The following KIAA1671 variants were observed in gnomAD, a reference collection of about 807,000 sequenced individuals.
The protein encoded by KIAA1671 is uncharacterized protein KIAA1671.
KIAA1671 carries 52 observed loss-of-function variants against 131.2 expected under a neutral mutation model. That is an observed-to-expected ratio of 0.40 (90% confidence interval 0.32 to 0.50). KIAA1671 has a LOEUF of 0.50. Among genes scored for constraint, KIAA1671 ranks in the 20% least tolerant of loss-of-function variants. The probability of loss-of-function intolerance (pLI) is 0.73; values close to 1 mark genes in which losing one functional copy is unlikely to be tolerated. For synonymous variants in KIAA1671, 1,003 were observed against 961.6 expected, an observed-to-expected ratio of 1.04 and a Z score of -0.80; for missense variants, 2,360 against 2,364.2, an observed-to-expected ratio of 1.00 and a Z score of 0.04.
chr22:25,048,650 G>GA (rs1478093291), intron 5 of KIAA1671, among the ~76,000 whole-genome samples: 4 of 152,196 alleles, frequency 2.6e-5, no homozygotes, highest in South Asian at 2.1e-4. Context: ...TAACTAAGTG[G>GA]AAAAAAACAG....
chr22:25,183,298 A>T (rs1019244349), intron 10 of KIAA1671, among the ~76,000 whole-genome samples: 6 of 152,098 alleles, frequency 3.9e-5, no homozygotes, highest in African/African-American at 1.4e-4. Flanking sequence ...CTTTTCTGTC[A>T]TTTCTTCCAC....
chr22:25,042,747 A>G (rs1440900376), intron 5 of KIAA1671, among the ~76,000 whole-genome samples: 1 of 151,880 alleles, frequency 6.6e-6, no homozygotes, highest in African/African-American at 2.4e-5. Flanking sequence ...TGCTGGGATT[A>G]CAGGCGCGAG....
intron 7 of KIAA1671, 62 bp from the exon 8 acceptor site, chr22:25,174,178 G>T: frequency 1.3e-6 from 2 of 1,523,308 alleles, no homozygotes; most frequent in South Asian, 1.2e-5. Context: ...TCCTTCACTT[G>T]AAATCCCGTT....
At chr22:25,094,830 C>T (rs1377186711) in intron 6 of KIAA1671, among the ~76,000 whole-genome samples, 1 of 152,176 alleles carries the variant, frequency 6.6e-6, no homozygotes, top group Non-Finnish European at 1.5e-5. Context: ...CTGGGTGGAT[C>T]TGGGAGCATC....
chr22:25,088,222 C>T (rs1279969917), intron 6 of KIAA1671, among the ~76,000 whole-genome samples: 1 of 152,032 alleles, frequency 6.6e-6, no homozygotes, highest in East Asian at 1.9e-4. Flanking sequence ...ATCCTCGTGC[C>T]TCAGCCTCCT....
At position 25,040,611 on chromosome 22, in the gene KIAA1671, C is replaced by G; in HGVS notation, c.3481C>G (p.Gln1161Glu). 6.4e-7 allele frequency: 1 copy of G among 1,551,748 alleles called. No homozygotes were observed. Among genetic ancestry groups the G allele is most frequent in the South Asian group, 1.2e-5 (1 of 84,050 alleles). The part of the protein sequence containing the change: ...NKMSPSGGAP[Q>E]TTPTLRSRPK... ...GATGTCCCCCAGCGGCGGAGCTCCCCAAACCACCCCGACTCTGAGGAGTCG... is the reference window on the plus strand; with the variant it reads ...GATGTCCCCCAGCGGCGGAGCTCCCGAAACCACCCCGACTCTGAGGAGTCG... The change falls in exon 5 of 13, where the codon CAA becomes GAA. Residue 1161 changes from glutamine (Q) to glutamate (E), a missense_variant. By Grantham distance (29) the Gln-to-Glu change is conservative. Coordinates refer to ENST00000358431, the MANE Select transcript of KIAA1671 (RefSeq NM_001145206.2).
chr22:25,133,975 G>C (rs549343535), intron 6 of KIAA1671, among the ~76,000 whole-genome samples: 1 of 152,316 alleles, frequency 6.6e-6, no homozygotes, highest in South Asian at 2.1e-4. Flanking sequence ...GATTCCACAA[G>C]GGGAACTTTC....
chr22:25,098,461 A>G (rs114519888), intron 6 of KIAA1671, among the ~76,000 whole-genome samples: 226 of 152,360 alleles, frequency 1.5e-3, no homozygotes, highest in African/African-American at 5.3e-3. Context: ...ACAGTAATAA[A>G]TAAACAATTA....
rs1373231404 is a variant in KIAA1671, at chr22:25,038,908, C to T, written c.1778C>T (p.Ala593Val). 5.2e-6 allele frequency: 8 copies of T among 1,551,690 alleles called. No individual in the cohort carries two copies. In the Admixed American group the frequency reaches 7.8e-5, roughly 15 times the overall value. ...DSCRGGSSVE[A>V]PCPSDVTPED... is the part of the protein sequence containing the mutation. ...TGTCGCGGTGGAAGCTCAGTGGAGG[C>T]CCCGTGCCCTTCTGACGTCACTCCA... The change falls in exon 5 of 13, where the codon GCC becomes GTC. Residue 593 changes from alanine (A) to valine (V), a missense_variant. This residue lies in a region of KIAA1671 where 1,185 missense variants were observed against 1,126.2 expected (regional missense o/e 1.05). Coordinates refer to ENST00000358431, the MANE Select transcript of KIAA1671 (RefSeq NM_001145206.2).
At chr22:25,181,623 G>A in intron 9 of KIAA1671, 76 bp from the exon 10 acceptor site, 1 of 1,525,256 alleles carries the variant, frequency 6.6e-7, no homozygotes. Flanking sequence ...GAGATACTGT[G>A]TGCAAATTAT....
rs1159760794 is a variant in KIAA1671, at chr22:24,983,842, G to A, written c.-208+31070G>A. Among the ~76,000 whole-genome samples, 5 of 149,792 alleles carry A rather than the reference G, an allele frequency of 3.3e-5. No homozygotes were observed. In the East Asian group the frequency reaches 9.9e-4, roughly 30 times the overall value. On this transcript the variant is annotated intron_variant, in intron 1 of 12. Transcript: ENST00000358431. ...TGCCCAGGCTGGAGTGCAATGGTGCGATCTCGGCTCACCACAACCTCCGCC... is the reference window on the plus strand; with the variant it reads ...TGCCCAGGCTGGAGTGCAATGGTGCAATCTCGGCTCACCACAACCTCCGCC...
At chr22:24,956,563 G>T (rs1921709069) in intron 1 of KIAA1671, among the ~76,000 whole-genome samples, 1 of 152,192 alleles carries the variant, frequency 6.6e-6, no homozygotes, top group African/African-American at 2.4e-5. Context: ...GGAGGAGGCA[G>T]ATAGAAGGGA....
chr22:25,163,724 C>T (rs1275268344), intron 6 of KIAA1671, among the ~76,000 whole-genome samples: 2 of 152,046 alleles, frequency 1.3e-5, no homozygotes, highest in Admixed American at 1.3e-4. Flanking sequence ...AGGCATGAGC[C>T]ACCACGCCCG....
At chr22:25,055,287 C>G (rs1330825708) in intron 6 of KIAA1671, 8 of 149,968 alleles carry the variant, frequency 5.3e-5, no homozygotes, top group Non-Finnish European at 1.5e-5. Context: ...GGCCCCCGCC[C>G]AAGAACATAT....
chr22:25,065,635 A>G (rs969674314), intron 6 of KIAA1671, among the ~76,000 whole-genome samples: 1 of 150,848 alleles, frequency 6.6e-6, no homozygotes, highest in Non-Finnish European at 1.5e-5. Context: ...AAGAATTATT[A>G]TTATTATTAT....
At chr22:25,134,728 G>A (rs1932597105) in intron 6 of KIAA1671, among the ~76,000 whole-genome samples, 1 of 152,158 alleles carries the variant, frequency 6.6e-6, no homozygotes, top group Non-Finnish European at 1.5e-5. Flanking sequence ...GCAAAGCTGG[G>A]AGGCCTAGTG....
chr22:25,124,380 A>C (rs774954845), intron 6 of KIAA1671, among the ~76,000 whole-genome samples: 3 of 152,194 alleles, frequency 2.0e-5, no homozygotes, highest in Non-Finnish European at 4.4e-5. Flanking sequence ...AAGAATTAAA[A>C]ATTGCAGAGT....
In KIAA1671 at chr22:25,039,150, A is replaced by G. The variant is rs1186457601; in HGVS notation, c.2020A>G (p.Arg674Gly). The stretch of plus-strand genomic sequence containing the variant: ...GACAAAACTGAAGAAAGAGAACTCC[A>G]GAGGGTTTGACAATCCCGAGACGGA... ...DMTKLKKENS[R>G]GFDNPETEKL... Residue 674 changes from arginine (R) to glycine (G), a missense_variant, in exon 5 of 13, where the codon AGA becomes GGA. Around this residue, in one of 3 missense-constraint regions of KIAA1671, gnomAD observed 1,185 missense variants for 1,126.2 expected, o/e 1.05. Coordinates refer to ENST00000358431, the MANE Select transcript of KIAA1671 (RefSeq NM_001145206.2). 1 of 1,551,590 alleles carries G rather than the reference A, an allele frequency of 6.4e-7. No homozygotes were observed. Among genetic ancestry groups the G allele is most frequent in the Non-Finnish European group, 8.7e-7 (1 of 1,147,050 alleles).
At chr22:25,025,500 G>GTGCTT in intron 1 of KIAA1671, 133 bp from the exon 2 acceptor site, 1 of 152,128 alleles carries the variant, frequency 6.6e-6, no homozygotes, top group Non-Finnish European at 1.5e-5. Flanking sequence ...AAATCGAAAA[G>GTGCTT]CCAAAAGGAG....
Sources: gnomAD v4.1 joint callset for allele counts (sites outside exome capture counted in the v4.1 genomes callset) on GRCh38, gnomAD v4.1.1 for gene constraint, gnomAD v4.1.1 regional missense constraint, MANE v1.5 for transcripts, NCBI Gene and HGNC (gene_info 2026-07-23, HGNC 2026-07-21) for gene names.